ARIH1: variants seen among roughly 807,000 people sequenced by gnomAD.
ARIH1 encodes the protein ariadne RBR E3 ubiquitin protein ligase 1, also known as E3 ubiquitin-protein ligase ARIH1.
In ARIH1, 8 loss-of-function variants were observed where a neutral mutation model predicts 85.0. The observed-to-expected ratio is 0.09, with a 90% CI of 0.06 to 0.17. ARIH1 has a LOEUF of 0.17. ARIH1 is among the 10% of genes least tolerant of loss of function. ARIH1 has a pLI of 1.00. For missense variants in ARIH1, 311 were observed against 718.1 expected (o/e 0.43, Z 6.48); for synonymous variants, 238 against 253.6 (o/e 0.94, Z 0.59).
chr15:72,584,056 G>A lies in ARIH1; in HGVS notation c.*764G>A, dbSNP rs1432386166. Reference sequence around the variant, plus strand: ...CTTTCAGTTTGCTTATCTTTCCCGGGTTGGGGTTGGGATAAAGGTGTGTCG... The same window carrying A: ...CTTTCAGTTTGCTTATCTTTCCCGGATTGGGGTTGGGATAAAGGTGTGTCG... On this transcript the variant is annotated 3_prime_UTR_variant, in exon 14 of 14. Coordinates refer to ENST00000379887, the MANE Select transcript of ARIH1 (RefSeq NM_005744.5). 1 of 152,118 alleles carries A rather than the reference G, an allele frequency of 6.6e-6. No individual in the cohort carries two copies. Among genetic ancestry groups the A allele is most frequent in the Non-Finnish European group, 1.5e-5 (1 of 68,028 alleles). The allele number at this position is 152,118 out of a possible 1,614,324, so 9.4% of individuals were successfully genotyped here.
chr15:72,494,832 A>G (rs984679501), intron 1 of ARIH1, among the ~76,000 whole-genome samples: 2 of 152,000 alleles, frequency 1.3e-5, no homozygotes, highest in Non-Finnish European at 1.5e-5. Context: ...TTAGGAAAAA[A>G]AAAAAAAACT....
chr15:72,503,818 C>T (rs747161272), intron 1 of ARIH1, among the ~76,000 whole-genome samples: 1 of 152,198 alleles, frequency 6.6e-6, no homozygotes, highest in African/African-American at 2.4e-5. Context: ...CAAGTGAATG[C>T]GGGATCTGGC....
At chr15:72,511,360 T>C (rs541231372) in intron 1 of ARIH1, among the ~76,000 whole-genome samples, 27 of 152,318 alleles carry the variant, frequency 1.8e-4, no homozygotes, top group African/African-American at 6.5e-4. Flanking sequence ...TGGAGTGCAG[T>C]GGCGCCATCT....
At chr15:72,547,228 C>G (rs1049777565) in intron 3 of ARIH1, among the ~76,000 whole-genome samples, 2 of 39,034 alleles carry the variant, frequency 5.1e-5, no homozygotes, top group Admixed American at 4.3e-4. Flanking sequence ...CGCCTGGCCT[C>G]TTTCCTTTTC....
chr15:72,499,653 T>G (rs2063894812), intron 1 of ARIH1, among the ~76,000 whole-genome samples: 1 of 152,254 alleles, frequency 6.6e-6, no homozygotes, highest in African/African-American at 2.4e-5. Flanking sequence ...TTAACAGGTC[T>G]AATTTCAAAT....
rs1438476112 is a variant in ARIH1 at position 72,600,919 on chromosome 15, A to G, written c.*17627A>G. The G allele has an allele frequency of 6.6e-6, 1 of 152,238 alleles. No homozygotes were observed. The highest frequency in any genetic ancestry group is 1.5e-5 in the Non-Finnish European group (1 of 68,046). The allele number at this position is 152,238 out of a possible 1,614,324, so 9.4% of individuals were successfully genotyped here. A position where few individuals can be genotyped will look rare whatever the true frequency, so the allele number is the denominator to read the frequency against. ...ATTTGCTCCTCACAGGACCCCTTTCAGGGAGATTTCACATATTGGGAAACA... is the reference window on the plus strand; with the variant it reads ...ATTTGCTCCTCACAGGACCCCTTTCGGGGAGATTTCACATATTGGGAAACA... On this transcript the variant is annotated 3_prime_UTR_variant, in exon 14 of 14. Coordinates refer to ENST00000379887, the MANE Select transcript of ARIH1 (RefSeq NM_005744.5).
intron 2 of ARIH1, among the ~76,000 whole-genome samples, chr15:72,522,947 A>G (rs1318686376): frequency 6.6e-6 from 1 of 152,224 alleles, no homozygotes; most frequent in Non-Finnish European, 1.5e-5. Flanking sequence ...TTGAGATACC[A>G]GTACATACCT....
At position 72,597,970 on chromosome 15, in the gene ARIH1, A is replaced by G. The variant is rs2140447970; in HGVS notation, c.*14678A>G. 1 of 151,968 alleles carries G rather than the reference A, an allele frequency of 6.6e-6. No homozygotes were observed. The highest frequency in any genetic ancestry group is 1.9e-4 in the East Asian group (1 of 5,148). The allele number at this position is 151,968 out of a possible 1,614,324, so 9.4% of individuals were successfully genotyped here. ...TTAGGTTTCTTTGGTTTTTGTTTTT[A>G]TTTTGAGACAGGGTCTCACTCTTAC... On this transcript the variant is annotated 3_prime_UTR_variant, in exon 14 of 14. Coordinates refer to ENST00000379887, the MANE Select transcript of ARIH1 (RefSeq NM_005744.5).
chr15:72,483,894 G>A (rs539922181), intron 1 of ARIH1, among the ~76,000 whole-genome samples: 89 of 151,502 alleles, frequency 5.9e-4, no homozygotes, highest in African/African-American at 2.0e-3. Flanking sequence ...ATTCACAGCC[G>A]GGCATGGTGG....
At chr15:72,478,589 G>T (rs554167432) in intron 1 of ARIH1, among the ~76,000 whole-genome samples, 1 of 152,264 alleles carries the variant, frequency 6.6e-6, no homozygotes, top group South Asian at 2.1e-4. Flanking sequence ...TTAAGCAGAG[G>T]ATATGCTCCT....
chr15:72,486,166 A>G (rs2063836678), intron 1 of ARIH1, among the ~76,000 whole-genome samples: 1 of 152,114 alleles, frequency 6.6e-6, no homozygotes, highest in Non-Finnish European at 1.5e-5. Flanking sequence ...TGACCATACA[A>G]TGGTTTCCCC....
intron 1 of ARIH1, among the ~76,000 whole-genome samples, chr15:72,503,931 A>G (rs138011159): frequency 2.7e-4 from 41 of 152,280 alleles, no homozygotes; most frequent in Admixed American, 1.4e-3. Flanking sequence ...GCATGTTACA[A>G]TGCTGTCTTA....
chr15:72,491,363 T>G (rs2063858747), intron 1 of ARIH1, among the ~76,000 whole-genome samples: 1 of 147,576 alleles, frequency 6.8e-6, no homozygotes, highest in African/African-American at 2.5e-5. Flanking sequence ...TGTTTCTTCC[T>G]TGAATCTTTC....
chr15:72,481,066 C>G (rs1346550701), intron 1 of ARIH1, among the ~76,000 whole-genome samples: 3 of 152,166 alleles, frequency 2.0e-5, no homozygotes, highest in African/African-American at 7.2e-5. Flanking sequence ...GGTGTACAAG[C>G]CTGTGCATGA....
chr15:72,538,678 ATAT>A (rs1555487631), intron 2 of ARIH1, among the ~76,000 whole-genome samples: 1 of 152,212 alleles, frequency 6.6e-6, no homozygotes, highest in Non-Finnish European at 1.5e-5. Context: ...AATTTAATTC[ATAT>A]TATTTGGTAT....
chr15:72,498,073 C>T (rs984351164), intron 1 of ARIH1, among the ~76,000 whole-genome samples: 3 of 151,844 alleles, frequency 2.0e-5, no homozygotes, highest in African/African-American at 7.3e-5. Flanking sequence ...GTTTTTGATT[C>T]TACCAAAGGT....
intron 1 of ARIH1, among the ~76,000 whole-genome samples, chr15:72,508,443 A>G (rs746339930): frequency 6.6e-6 from 1 of 152,236 alleles, no homozygotes; most frequent in South Asian, 2.1e-4. Context: ...GAGTGGTGCT[A>G]TAATCATAAA....
At chr15:72,517,266 G>T (rs1301211156) in intron 1 of ARIH1, among the ~76,000 whole-genome samples, 1 of 152,006 alleles carries the variant, frequency 6.6e-6, no homozygotes, top group Admixed American at 6.6e-5. Flanking sequence ...AGTGTATAAG[G>T]TATTAAATTA....
chr15:72,542,638 T>C (rs1367042194), intron 2 of ARIH1, among the ~76,000 whole-genome samples: 4 of 152,162 alleles, frequency 2.6e-5, no homozygotes, highest in Admixed American at 2.6e-4. Context: ...TGTTAGATAT[T>C]GTCTAGTGAA....
Sources: allele counts gnomAD v4.1 joint callset (sites outside exome capture counted in the v4.1 genomes callset), GRCh38; gene constraint gnomAD v4.1.1; transcripts MANE v1.5; gene names NCBI Gene and HGNC (gene_info 2026-07-23, HGNC 2026-07-21).